Variants in PREX2 observed in about 807,000 individuals in gnomAD.
PREX2 encodes phosphatidylinositol 3,4,5-trisphosphate-dependent Rac exchanger 2 protein.
Under a neutral mutation model 203.2 loss-of-function variants are expected in PREX2, and 107 were observed. The observed-to-expected ratio is 0.53, with a 90% confidence interval of 0.45 to 0.62. PREX2 has a LOEUF of 0.62. PREX2 is among the 20% of genes least tolerant of loss of function. PREX2 has a pLI of 0.00. For synonymous variants in PREX2, 672 were observed against 663.6 expected (o/e 1.01, Z -0.19); for missense variants, 1,777 against 1,955.9 (o/e 0.91, Z 1.72).
At chr8:68,172,206 A>G (rs1811889913) in intron 35 of PREX2, among the ~76,000 whole-genome samples, 1 of 152,232 alleles carries the variant, frequency 6.6e-6, no homozygotes, top group African/African-American at 2.4e-5. Context: ...CTAAATCTAC[A>G]AAGTATTTGA....
intron 1 of PREX2, among the ~76,000 whole-genome samples, chr8:68,013,889 C>T (rs1357380124): frequency 6.6e-6 from 1 of 152,038 alleles, no homozygotes; most frequent in African/African-American, 2.4e-5. Flanking sequence ...AGGTTTAGTG[C>T]TGTATGATAC....
intron 13 of PREX2, among the ~76,000 whole-genome samples, chr8:68,071,406 G>T (rs1385939464): frequency 2.0e-5 from 3 of 152,172 alleles, no homozygotes; most frequent in African/African-American, 4.8e-5. Context: ...GATGCTTATG[G>T]AAAACAAGAT....
intron 3 of PREX2, among the ~76,000 whole-genome samples, chr8:68,019,965 A>G (rs545513274): frequency 6.6e-6 from 1 of 152,298 alleles, no homozygotes. Context: ...TAATGAATGA[A>G]TTTTTATGTT....
chr8:68,099,793 T>C lies in PREX2; in HGVS notation c.2665T>C (p.Cys889Arg). ...CCTTCAGAGTAAATTCAGTGCCCTT[T>C]GCAGTGAAAGAATTGAACACCTATG... Reference protein sequence around the residue: ...TDLQSKFSALCSERIEHLCQR... With the variant: ...TDLQSKFSALRSERIEHLCQR... Residue 889 changes from cysteine (C) to arginine (R), a missense_variant, in exon 23 of 40, where the codon TGC becomes CGC. Transcript: ENST00000288368. The C allele has an allele frequency of 6.2e-7, 1 of 1,612,814 alleles. No homozygotes were observed. The highest frequency in any genetic ancestry group is 8.5e-7 in the Non-Finnish European group (1 of 1,178,886).
chr8:68,088,236 T>A (rs1479461052), intron 19 of PREX2, among the ~76,000 whole-genome samples: 2 of 152,202 alleles, frequency 1.3e-5, no homozygotes, highest in East Asian at 3.9e-4. Context: ...CGTGGTTAAA[T>A]CCCATCATAA....
intron 14 of PREX2, among the ~76,000 whole-genome samples, chr8:68,073,524 A>G (rs1290141173): frequency 7.9e-5 from 12 of 152,164 alleles, no homozygotes; most frequent in Non-Finnish European, 7.4e-5. Flanking sequence ...TTGATAATTT[A>G]TATTAGTTAA....
chr8:68,110,841 A>G, intron 25 of PREX2: 1 of 280,604 alleles, frequency 3.6e-6, no homozygotes, highest in African/African-American at 2.3e-5. Context: ...AATTTTCTGA[A>G]GTTTTATGAG....
Position 68,126,370 on chromosome 8 carries a change from A to C in PREX2, c.3725-1008A>C, listed in dbSNP as rs114256224. Among the ~76,000 whole-genome samples the C allele has an allele frequency of 5.1e-3, 774 of 152,236 alleles. 8 individuals are homozygous for C. The highest frequency in any genetic ancestry group is 0.017 in the African/African-American group (715 of 41,556). ...CACTTATATTTTACACAGACCTGTA[A>C]AATAGATAAGGCAGATGTTATCTTC... On this transcript the variant is annotated intron_variant, in intron 30 of 39. Transcript: ENST00000288368.
Position 68,089,750 on chromosome 8 carries a change from T to A in PREX2, c.2114-829T>A, listed in dbSNP as rs1585778106. ...TCTTAAAGATGTTTAATAATTTCTT[T>A]ATGAGAGACATTGGTCACAAAAGAA... On this transcript the variant is annotated intron_variant, in intron 19 of 39. Coordinates refer to ENST00000288368, the MANE Select transcript of PREX2 (RefSeq NM_024870.4). Among the ~76,000 whole-genome samples the A allele has an allele frequency of 5.3e-5, 8 of 152,370 alleles. 1 individual carries two copies. The South Asian group carries it at 1.7e-3, about 32-fold the overall frequency.
At chr8:68,017,228 A>G (rs1194165526) in intron 1 of PREX2, among the ~76,000 whole-genome samples, 5 of 152,128 alleles carry the variant, frequency 3.3e-5, no homozygotes, top group Admixed American at 6.5e-5. Flanking sequence ...TTTGCCTACC[A>G]TAGAGGTATG....
At position 68,030,597 on chromosome 8, in the gene PREX2, A is replaced by G; in HGVS notation, c.644A>G (p.Lys215Arg). The G allele has an allele frequency of 6.2e-7, 1 of 1,613,736 alleles. No homozygotes were observed. The highest frequency in any genetic ancestry group is 8.5e-7 in the Non-Finnish European group (1 of 1,179,710). Reference sequence around the variant, plus strand: ...GTCTGTTCCAACATAAACGAGGCCAAGAGACAGATGGAGAAGTTAGAAGTT... The same window carrying G: ...GTCTGTTCCAACATAAACGAGGCCAGGAGACAGATGGAGAAGTTAGAAGTT... ...KAVCSNINEA[K>R]RQMEKLEVLE... Residue 215 changes from lysine to arginine, a missense_variant, in exon 6 of 40, where the codon AAG becomes AGG. Transcript: ENST00000288368.
intron 34 of PREX2, among the ~76,000 whole-genome samples, chr8:68,149,535 G>A (rs1811392267): frequency 6.6e-6 from 1 of 152,152 alleles, no homozygotes; most frequent in South Asian, 2.1e-4. Flanking sequence ...AATGCTGTTG[G>A]GATCCCTCAG....
At chr8:68,103,813 T>A in intron 23 of PREX2, 1 of 478,026 alleles carries the variant, frequency 2.1e-6, no homozygotes, top group South Asian at 1.6e-5. Flanking sequence ...TGTGGTATCC[T>A]ATGCTGACTC....
rs771902674 is a variant in PREX2, at chr8:68,044,542, C to T, written c.895C>T (p.Arg299Trp). 3.7e-6 allele frequency: 6 copies of T among 1,612,396 alleles called. No individual in the cohort carries two copies. Among genetic ancestry groups the T allele is most frequent in the Non-Finnish European group, 5.1e-6 (6 of 1,179,004 alleles). The change falls in exon 8 of 40, where the codon CGG (arginine) becomes TGG (tryptophan). Residue 299 changes from arginine (R) to tryptophan (W), a missense_variant. Transcript: ENST00000288368. ...TDGHRYLFRG[R>W]INTEVMEVEN... ...TGGACATCGGTACCTTTTTCGTGGC[C>T]GGATCAACACGGAGGTGATGGAAGT...
chr8:68,198,215 A>G (rs1456121474), intron 37 of PREX2, among the ~76,000 whole-genome samples: 1 of 152,202 alleles, frequency 6.6e-6, no homozygotes, highest in Non-Finnish European at 1.5e-5. Context: ...CTTCTTTACT[A>G]GGTTTACAAT....
intron 1 of PREX2, among the ~76,000 whole-genome samples, chr8:67,956,266 A>G (rs1191680650): frequency 6.6e-6 from 1 of 152,168 alleles, no homozygotes; most frequent in African/African-American, 2.4e-5. Flanking sequence ...CTGTTTGCAA[A>G]CCTGTGACAG....
At chr8:68,017,624 A>G (rs993161215) in intron 1 of PREX2, among the ~76,000 whole-genome samples, 1 of 152,148 alleles carries the variant, frequency 6.6e-6, no homozygotes, top group African/African-American at 2.4e-5. Flanking sequence ...ACTTACATAT[A>G]CTTGATGATT....
At chr8:68,054,870 T>G (rs1808628666) in intron 9 of PREX2, among the ~76,000 whole-genome samples, 1 of 152,202 alleles carries the variant, frequency 6.6e-6, no homozygotes, top group Non-Finnish European at 1.5e-5. Flanking sequence ...ACCTCCCTGC[T>G]TCCATTCAGT....
At chr8:68,110,237 A>T (rs1394108804) in intron 25 of PREX2, among the ~76,000 whole-genome samples, 1 of 152,206 alleles carries the variant, frequency 6.6e-6, no homozygotes, top group Non-Finnish European at 1.5e-5. Context: ...TGATGGTTGG[A>T]GAATTGCCTG....
Sources: allele counts gnomAD v4.1 joint callset (sites outside exome capture counted in the v4.1 genomes callset), GRCh38; gene constraint gnomAD v4.1.1; transcripts MANE v1.5; gene names NCBI Gene and HGNC (gene_info 2026-07-23, HGNC 2026-07-21).